ARHGAP26: variants seen among roughly 807,000 people sequenced by gnomAD.
The protein encoded by ARHGAP26 is Rho GTPase activating protein 26.
A neutral mutation model predicts 104.8 loss-of-function variants in ARHGAP26; 38 were observed. The observed-to-expected ratio is 0.36, with a 90% CI of 0.28 to 0.48. ARHGAP26 has a LOEUF of 0.48. Among genes scored for constraint, ARHGAP26 ranks in the 20% least tolerant of loss-of-function variants. The pLI is 0.99. For synonymous variants in ARHGAP26, 341 were observed against 340.0 expected (o/e 1.00, Z -0.03); for missense variants, 704 against 947.9 (o/e 0.74, Z 3.38).
At chr5:142,853,015 C>T (rs1751793969) in intron 1 of ARHGAP26, among the ~76,000 whole-genome samples, 1 of 152,108 alleles carries the variant, frequency 6.6e-6, no homozygotes. Flanking sequence ...CTTTATCGAG[C>T]TCCAAAGGTG....
intron 12 of ARHGAP26, 50 bp from the exon 13 acceptor site, chr5:143,037,146 G>A (rs745305596): frequency 6.6e-7 from 1 of 1,516,938 alleles, no homozygotes; most frequent in Non-Finnish European, 9.1e-7. Context: ...CCTATCCTGA[G>A]GTTGATTTCC....
intron 1 of ARHGAP26, among the ~76,000 whole-genome samples, chr5:142,803,883 A>T (rs1213470004): frequency 6.6e-6 from 1 of 152,226 alleles, no homozygotes; most frequent in East Asian, 1.9e-4. Flanking sequence ...ATCACTGAGG[A>T]GTGTATAGTT....
chr5:142,824,168 TC>T (rs1169405799), intron 1 of ARHGAP26, among the ~76,000 whole-genome samples: 5 of 152,142 alleles, frequency 3.3e-5, no homozygotes, highest in Non-Finnish European at 5.9e-5. Context: ...TTGCTGCAGT[TC>T]GCGTTCCCAT....
chr5:142,990,860 T>C (rs899356614), intron 11 of ARHGAP26, among the ~76,000 whole-genome samples: 2 of 152,152 alleles, frequency 1.3e-5, no homozygotes, highest in African/African-American at 4.8e-5. Flanking sequence ...GTATCAGTTG[T>C]CAGTCGGCCC....
intron 18 of ARHGAP26, among the ~76,000 whole-genome samples, chr5:143,125,771 G>T (rs905019234): frequency 1.1e-4 from 17 of 152,128 alleles, no homozygotes; most frequent in African/African-American, 3.9e-4. Context: ...ACAGCTTATT[G>T]TTTACAAGAT....
At chr5:142,986,866 C>T (rs1297531162) in intron 11 of ARHGAP26, among the ~76,000 whole-genome samples, 4 of 152,156 alleles carry the variant, frequency 2.6e-5, no homozygotes, top group South Asian at 2.1e-4. Flanking sequence ...TGGTCTGTAT[C>T]TCTGTTTTGG....
chr5:143,076,177 T>TG, intron 17 of ARHGAP26, among the ~76,000 whole-genome samples: 1 of 149,372 alleles, frequency 6.7e-6, no homozygotes, highest in African/African-American at 2.5e-5. Flanking sequence ...TTTTTTTTTT[T>TG]TTTGAAAAGC....
chr5:143,133,249 C>A (rs1358494518), intron 18 of ARHGAP26, among the ~76,000 whole-genome samples: 2 of 151,870 alleles, frequency 1.3e-5, no homozygotes, highest in Non-Finnish European at 2.9e-5. Flanking sequence ...TAAATAAAAC[C>A]TAAATGCTAA....
chr5:143,071,077 T>A (rs185760407), intron 17 of ARHGAP26, among the ~76,000 whole-genome samples: 83 of 152,216 alleles, frequency 5.5e-4, no homozygotes, highest in Non-Finnish European at 4.9e-4. Context: ...ACTACAAAGC[T>A]GTAGTAACCA....
chr5:142,846,315 G>T (rs1410605764), intron 1 of ARHGAP26, among the ~76,000 whole-genome samples: 1 of 152,224 alleles, frequency 6.6e-6, no homozygotes, highest in Non-Finnish European at 1.5e-5. Context: ...GGGGTGCCGA[G>T]GTATATGTGT....
chr5:143,119,699 ACTGGGCTGTG>A (rs1445418592), intron 17 of ARHGAP26, among the ~76,000 whole-genome samples: 1 of 152,166 alleles, frequency 6.6e-6, no homozygotes, highest in Non-Finnish European at 1.5e-5. Context: ...CCTCTTTCTA[ACTGGGCTGTG>A]CCACAGTTAA....
chr5:142,832,622 G>A (rs559415982), intron 1 of ARHGAP26, among the ~76,000 whole-genome samples: 1 of 152,366 alleles, frequency 6.6e-6, no homozygotes, highest in African/African-American at 2.4e-5. Context: ...CTAGGGAAGC[G>A]TGGCCCCCTG....
At chr5:143,188,499 A>G (rs1053132777) in intron 20 of ARHGAP26, among the ~76,000 whole-genome samples, 1 of 152,212 alleles carries the variant, frequency 6.6e-6, no homozygotes, top group African/African-American at 2.4e-5. Flanking sequence ...CTTCCTTCCT[A>G]TAGTTTTCTG....
At chr5:142,992,468 C>G (rs1032535298) in intron 11 of ARHGAP26, among the ~76,000 whole-genome samples, 4 of 151,078 alleles carry the variant, frequency 2.6e-5, no homozygotes, top group Non-Finnish European at 5.9e-5. Context: ...GAGTCTTGCC[C>G]TGTCACCTAG....
intron 17 of ARHGAP26, among the ~76,000 whole-genome samples, chr5:143,083,919 A>G (rs1790178838): frequency 6.6e-6 from 1 of 152,232 alleles, no homozygotes; most frequent in Non-Finnish European, 1.5e-5. Context: ...TCAAGTCATT[A>G]TATTACGTGT....
At chr5:142,837,849 A>G (rs1047430124) in intron 1 of ARHGAP26, among the ~76,000 whole-genome samples, 4 of 152,340 alleles carry the variant, frequency 2.6e-5, no homozygotes, top group East Asian at 3.9e-4. Context: ...ATTGCTTCAG[A>G]TGAAAGCAGA....
intron 17 of ARHGAP26, among the ~76,000 whole-genome samples, chr5:143,082,698 A>G (rs1248215600): frequency 6.6e-6 from 1 of 152,250 alleles, no homozygotes; most frequent in Non-Finnish European, 1.5e-5. Flanking sequence ...ACATAAGCGT[A>G]ATTACAGATC....
At chr5:143,074,035 A>G (rs1470286976) in intron 17 of ARHGAP26, among the ~76,000 whole-genome samples, 1 of 152,214 alleles carries the variant, frequency 6.6e-6, no homozygotes, top group Non-Finnish European at 1.5e-5. Flanking sequence ...AGCAGAGAGA[A>G]AGAATACATT....
chr5:142,960,527 A>G (rs1412407044), intron 11 of ARHGAP26, among the ~76,000 whole-genome samples: 1 of 152,218 alleles, frequency 6.6e-6, no homozygotes, highest in Non-Finnish European at 1.5e-5. Context: ...GTAGCCATCT[A>G]GGTTATCAGA....
Sources: allele counts gnomAD v4.1 joint callset (sites outside exome capture counted in the v4.1 genomes callset), GRCh38; gene constraint gnomAD v4.1.1; transcripts MANE v1.5; gene names NCBI Gene and HGNC (gene_info 2026-07-23, HGNC 2026-07-21).